CCDC3: variants seen among roughly 807,000 people sequenced by gnomAD.
CCDC3 encodes the protein coiled-coil domain-containing protein 3.
CCDC3 carries 24 observed loss-of-function variants against 21.4 expected under a neutral mutation model. The observed-to-expected ratio is 1.12, with a 90% confidence interval of 0.81 to 1.58. The LOEUF is 1.58. Ranked by LOEUF, CCDC3 falls within the 40% of genes most tolerant of loss-of-function variation. CCDC3 has a pLI of 0.00. For missense variants in CCDC3, 425 were observed against 360.9 expected (o/e 1.18, Z -1.44); for synonymous variants, 186 against 166.0 (o/e 1.12, Z -0.93).
intron 5 of CCDC3, among the ~76,000 whole-genome samples, chr10:13,037,854 A>G (rs565387427): frequency 7.2e-5 from 11 of 152,284 alleles, no homozygotes; most frequent in Middle Eastern, 3.4e-3. Context: ...GGCACTCTGC[A>G]CTGCCTTAGT....
chr10:12,970,887 CAAA>C (rs34307162), intron 2 of CCDC3, among the ~76,000 whole-genome samples: 2 of 134,626 alleles, frequency 1.5e-5, no homozygotes. Context: ...AAGACTGTCT[CAAA>C]AAAAAAAAAA....
At chr10:12,967,186 C>A (rs929790571) in intron 2 of CCDC3, among the ~76,000 whole-genome samples, 2 of 152,208 alleles carry the variant, frequency 1.3e-5, no homozygotes, top group African/African-American at 4.8e-5. Context: ...ATTCCATAAA[C>A]AGCATAGGTC....
chr10:13,086,676 G>C (rs1376238059), intron 3 of CCDC3, among the ~76,000 whole-genome samples: 1 of 152,076 alleles, frequency 6.6e-6, no homozygotes, highest in African/African-American at 2.4e-5. Context: ...TCGATCTCCT[G>C]ACCTCGTGAC....
At chr10:12,924,361 GT>G (rs1174131622) in intron 2 of CCDC3, among the ~76,000 whole-genome samples, 1 of 152,202 alleles carries the variant, frequency 6.6e-6, no homozygotes, top group Non-Finnish European at 1.5e-5. Context: ...GGCTCATTAT[GT>G]TTTAGGAAAT....
intron 1 of CCDC3, among the ~76,000 whole-genome samples, chr10:12,999,871 G>A (rs757722181): frequency 4.6e-5 from 7 of 152,128 alleles, no homozygotes; most frequent in South Asian, 2.1e-4. Context: ...TCTCTGTATC[G>A]AGAAGGGCAC....
intron 2 of CCDC3, among the ~76,000 whole-genome samples, chr10:12,991,639 C>T (rs1835684623): frequency 6.6e-6 from 1 of 152,140 alleles, no homozygotes; most frequent in African/African-American, 2.4e-5. Flanking sequence ...TGGCTTTGAA[C>T]ACACGTTCTT....
intron 2 of CCDC3, among the ~76,000 whole-genome samples, chr10:12,963,146 G>A (rs908899978): frequency 6.6e-6 from 1 of 152,144 alleles, no homozygotes; most frequent in Non-Finnish European, 1.5e-5. Context: ...ATTGAGACTG[G>A]GTTTCATTAA....
Position 13,001,264 on chromosome 10 carries a change from C to G in CCDC3, c.307G>C (p.Gly103Arg). ...VPAGSRLNLT[G>R]LGYFSCHSHT... ...GAGTGGCACGAGAAGTAGCCCAGGC[C>G]GGTGAGGTTGAGCCTGGAGCCGGCG... Residue 103 changes from glycine (G) to arginine (R), a missense_variant, in exon 1 of 3, where the codon GGC (glycine) becomes CGC (arginine). Physicochemically the swap from Gly to Arg is moderately radical, Grantham distance 125 (BLOSUM62 -2). Coordinates refer to ENST00000378825, the MANE Select transcript of CCDC3 (RefSeq NM_031455.4). 2 of 1,598,700 alleles carry G rather than the reference C, an allele frequency of 1.3e-6. No homozygotes were observed. Among genetic ancestry groups the G allele is most frequent in the Non-Finnish European group, 1.7e-6 (2 of 1,173,830 alleles).
chr10:12,988,800 C>A (rs1589032196), intron 2 of CCDC3, among the ~76,000 whole-genome samples: 1 of 152,222 alleles, frequency 6.6e-6, no homozygotes, highest in African/African-American at 2.4e-5. Context: ...CCTTTTGTAT[C>A]CCCAGTGACA....
intron 2 of CCDC3, among the ~76,000 whole-genome samples, chr10:12,964,173 G>C (rs1835224507): frequency 6.6e-6 from 1 of 152,016 alleles, no homozygotes; most frequent in Non-Finnish European, 1.5e-5. Flanking sequence ...GGGAGTTCGA[G>C]ACCAGCCTAA....
chr10:13,021,165 C>CA (rs1333083065), intron 5 of CCDC3, among the ~76,000 whole-genome samples: 1 of 152,144 alleles, frequency 6.6e-6, no homozygotes, highest in Non-Finnish European at 1.5e-5. Context: ...TCGGCATTTG[C>CA]AAAAATGCAG....
At chr10:12,987,744 C>T (rs994273932) in intron 2 of CCDC3, among the ~76,000 whole-genome samples, 2 of 152,082 alleles carry the variant, frequency 1.3e-5, no homozygotes. Context: ...TGGGGGTGGT[C>T]GAGGTGCTGG....
At chr10:13,076,798 T>A (rs1452855981) in intron 3 of CCDC3, among the ~76,000 whole-genome samples, 1 of 152,218 alleles carries the variant, frequency 6.6e-6, no homozygotes, top group Non-Finnish European at 1.5e-5. Context: ...CTCCATTGCT[T>A]TCACCTATTT....
intron 4 of CCDC3, among the ~76,000 whole-genome samples, chr10:13,065,267 T>C (rs1836809058): frequency 6.6e-6 from 1 of 152,210 alleles, no homozygotes; most frequent in Admixed American, 6.5e-5. Flanking sequence ...ATCTTATGTT[T>C]AGTGTTTTTA....
intron 2 of CCDC3, among the ~76,000 whole-genome samples, chr10:12,973,068 T>C (rs1835365895): frequency 6.6e-6 from 1 of 152,184 alleles, no homozygotes; most frequent in Admixed American, 6.5e-5. Flanking sequence ...AAGGACAATG[T>C]GGCAGCTACC....
intron 3 of CCDC3, among the ~76,000 whole-genome samples, chr10:13,090,042 T>TAGATAGATAGATAGAG (rs1564345316): frequency 5.5e-4 from 1 of 1,828 alleles, no homozygotes; most frequent in African/African-American, 7.5e-4. Context: ...TAGATATATA[T>TAGATAGATAGATAGAG]ATATATATAT....
At chr10:13,068,124 A>T (rs2055599959) in intron 4 of CCDC3, among the ~76,000 whole-genome samples, 1 of 152,180 alleles carries the variant, frequency 6.6e-6, no homozygotes, top group Non-Finnish European at 1.5e-5. Flanking sequence ...TGTTTTTCTC[A>T]TGGAACCCCG....
At chr10:13,030,247 C>T (rs1836282406) in intron 5 of CCDC3, among the ~76,000 whole-genome samples, 1 of 152,150 alleles carries the variant, frequency 6.6e-6, no homozygotes, top group Non-Finnish European at 1.5e-5. Flanking sequence ...AACTAAGCTT[C>T]ATAAGTGAAG....
chr10:12,911,656 A>AT (rs1326883301), intron 2 of CCDC3, among the ~76,000 whole-genome samples: 5 of 152,282 alleles, frequency 3.3e-5, no homozygotes, highest in South Asian at 2.1e-4. Flanking sequence ...CTCACATACC[A>AT]TTTTTTTGTA....
Sources: allele counts gnomAD v4.1 joint callset (sites outside exome capture counted in the v4.1 genomes callset), GRCh38; gene constraint gnomAD v4.1.1; transcripts MANE v1.5; gene names NCBI Gene and HGNC (gene_info 2026-07-23, HGNC 2026-07-21).